RERG: variants seen among roughly 807,000 people sequenced by gnomAD.
RERG encodes the protein ras-related and estrogen-regulated growth inhibitor.
Under a neutral mutation model 23.2 loss-of-function variants are expected in RERG, and 25 were observed. The ratio of observed to expected loss-of-function variants is 1.08; its 90% CI spans 0.79 to 1.50. The LOEUF is 1.50. Among genes scored for constraint, RERG ranks in the 40% most tolerant of loss-of-function variants. The pLI is 0.00. For synonymous variants in RERG, 81 were observed against 89.1 expected (o/e 0.91, Z 0.51); for missense variants, 253 against 250.1 (o/e 1.01, Z -0.08).
intron 2 of RERG, among the ~76,000 whole-genome samples, chr12:15,179,632 G>T (rs1415000902): frequency 6.6e-6 from 1 of 152,144 alleles, no homozygotes; most frequent in Non-Finnish European, 1.5e-5. Flanking sequence ...TTTGCTTACT[G>T]CCATGTAACA....
chr12:15,158,000 A>G (rs1010297260), intron 2 of RERG, among the ~76,000 whole-genome samples: 5 of 152,160 alleles, frequency 3.3e-5, no homozygotes, highest in African/African-American at 9.7e-5. Context: ...TAAGTTGGAA[A>G]CATTTTGCCT....
intron 2 of RERG, among the ~76,000 whole-genome samples, chr12:15,146,251 A>G (rs1191255973): frequency 6.6e-6 from 1 of 152,228 alleles, no homozygotes; most frequent in Admixed American, 6.5e-5. Flanking sequence ...GTGCTACAAT[A>G]TGCCAGGCTC....
intron 2 of RERG, among the ~76,000 whole-genome samples, chr12:15,210,450 T>C (rs752775624): frequency 1.3e-5 from 2 of 152,234 alleles, no homozygotes; most frequent in African/African-American, 4.8e-5. Context: ...TTTGTTTTGT[T>C]TTCCAGTATT....
At position 15,136,736 on chromosome 12, in the gene RERG, T is replaced by C. The variant is rs78566610; in HGVS notation, c.62-15617A>G. Reference sequence around the variant, plus strand: ...AATCTTTCTGTTGTTGATTTCTAGCTTAATTCCATTGTGGTCTGAGAACAT... The same window carrying C: ...AATCTTTCTGTTGTTGATTTCTAGCCTAATTCCATTGTGGTCTGAGAACAT... On this transcript the variant is annotated intron_variant, in intron 2 of 4. Transcript: ENST00000256953. Among the ~76,000 whole-genome samples the C allele has an allele frequency of 1.1e-4, 17 of 152,188 alleles. No individual in the cohort carries two copies. The East Asian group carries it at 3.3e-3, about 29-fold the overall frequency.
chr12:15,203,044 T>C (rs1350258731), intron 2 of RERG, among the ~76,000 whole-genome samples: 1 of 151,808 alleles, frequency 6.6e-6, no homozygotes, highest in Non-Finnish European at 1.5e-5. Flanking sequence ...AGTTTTGATT[T>C]GCATTGCCCT....
intron 2 of RERG, among the ~76,000 whole-genome samples, chr12:15,123,620 TA>T (rs1863880737): frequency 7.5e-6 from 1 of 133,658 alleles, no homozygotes; most frequent in African/African-American, 2.8e-5. Flanking sequence ...ATTTATATAA[TA>T]AATATTAAAA....
intron 2 of RERG, among the ~76,000 whole-genome samples, chr12:15,166,654 A>C (rs17835052): frequency 0.099 from 15,107 of 152,024 alleles, 863 homozygotes; most frequent in South Asian, 0.14. Context: ...AGCATATATG[A>C]AATGACTTTA....
chr12:15,121,028 TA>T, intron 3 of RERG, 34 bp downstream of exon 3: 1 of 1,477,286 alleles, frequency 6.8e-7, no homozygotes, highest in African/African-American at 1.4e-5. Flanking sequence ...CATAAATTTT[TA>T]TTGAAGAGGA....
At chr12:15,120,495 T>TAAA (rs5796626) in intron 3 of RERG, among the ~76,000 whole-genome samples, 1 of 149,196 alleles carries the variant, frequency 6.7e-6, no homozygotes, top group East Asian at 2.0e-4. Context: ...ACAAAGAAAT[T>TAAA]AAAAAAAAAA....
At chr12:15,114,418 G>A (rs540357771) in intron 3 of RERG, 123 of 152,094 alleles carry the variant, frequency 8.1e-4, no homozygotes, top group African/African-American at 2.7e-3. Context: ...AAGAAATACG[G>A]CCAAAGTATA....
In RERG at chr12:15,212,220, C is replaced by T. The variant is rs532555080; in HGVS notation, c.61+5209G>A. Among the ~76,000 whole-genome samples, 685 of 148,950 alleles carry T rather than the reference C, an allele frequency of 4.6e-3. 5 individuals carry two copies. The highest frequency in any genetic ancestry group is 0.016 in the African/African-American group (651 of 40,714). On this transcript the variant is annotated intron_variant, in intron 2 of 4. Coordinates refer to ENST00000256953, the MANE Select transcript of RERG (RefSeq NM_032918.3). The stretch of plus-strand genomic sequence containing the variant: ...GACTACAGGCGCCCGCCACCGCGCC[C>T]GGCTAATTTTTTGTATTTTTAGTAG...
chr12:15,146,737 T>C (rs1457113014), intron 2 of RERG, among the ~76,000 whole-genome samples: 1 of 152,214 alleles, frequency 6.6e-6, no homozygotes, highest in Non-Finnish European at 1.5e-5. Context: ...GCACAGAGCA[T>C]GGGACCCATC....
Position 15,166,562 on chromosome 12 carries a change from T to TTGG in RERG, c.62-45446_62-45444dup, listed in dbSNP as rs1277262863. Among the ~76,000 whole-genome samples, 135 of 149,482 alleles carry TTGG rather than the reference T, an allele frequency of 9.0e-4. 1 individual carries two copies. The highest frequency in any genetic ancestry group is 1.9e-3 in the Admixed American group (29 of 14,932). ...GGTGGTAGTGGTGTTGGTGGTGGTG[T>TTGG]TGGTGGTGGTGGTGGTGGTAGGGGT... On this transcript the variant is annotated intron_variant, in intron 2 of 4. Transcript: ENST00000256953.
intron 2 of RERG, among the ~76,000 whole-genome samples, chr12:15,137,558 G>A (rs77741645): frequency 0.052 from 7,666 of 146,918 alleles, 301 homozygotes; most frequent in African/African-American, 0.11. Context: ...TTTTTACTTC[G>A]TTTAGTACTT....
At chr12:15,181,360 ATTTC>A (rs1864920296) in intron 2 of RERG, among the ~76,000 whole-genome samples, 4 of 152,196 alleles carry the variant, frequency 2.6e-5, no homozygotes, top group African/African-American at 4.8e-5. Context: ...CTGGCATGAA[ATTTC>A]TTTCTTTGTT....
intron 2 of RERG, among the ~76,000 whole-genome samples, chr12:15,140,477 C>T (rs748895698): frequency 5.0e-4 from 76 of 152,124 alleles, no homozygotes; most frequent in Middle Eastern, 6.8e-3. Context: ...TTTTATTTTA[C>T]GTTATTTATT....
At chr12:15,144,941 A>G (rs1017451280) in intron 2 of RERG, among the ~76,000 whole-genome samples, 48 of 152,264 alleles carry the variant, frequency 3.2e-4, no homozygotes, top group African/African-American at 1.1e-3. Flanking sequence ...AGTGGGAGCA[A>G]TAATGTGGAG....
At chr12:15,181,810 G>A (rs2136129279) in intron 2 of RERG, among the ~76,000 whole-genome samples, 1 of 152,258 alleles carries the variant, frequency 6.6e-6, no homozygotes, top group South Asian at 2.1e-4. Context: ...AAAAGAAAGT[G>A]AGAAGTGAGG....
chr12:15,116,882 C>G (rs1284142002), intron 3 of RERG, among the ~76,000 whole-genome samples: 1 of 151,972 alleles, frequency 6.6e-6, no homozygotes, highest in Non-Finnish European at 1.5e-5. Context: ...ATAAATTGAG[C>G]CTTTTTTGGT....
Sources: gnomAD v4.1 joint callset for allele counts (sites outside exome capture counted in the v4.1 genomes callset) on GRCh38, gnomAD v4.1.1 for gene constraint, MANE v1.5 for transcripts, NCBI Gene and HGNC (gene_info 2026-07-23, HGNC 2026-07-21) for gene names.